The following CSMD1 variants were observed in gnomAD, a reference collection of about 807,000 sequenced individuals.
The protein encoded by CSMD1 is CUB and sushi domain-containing protein 1.
CSMD1 carries 213 observed loss-of-function variants against 417.5 expected under a neutral mutation model. That is an observed-to-expected ratio of 0.51 (90% CI 0.46 to 0.57). CSMD1 has a LOEUF of 0.57. CSMD1 is among the 20% of genes least tolerant of loss of function. The pLI, the probability that CSMD1 is intolerant of heterozygous loss-of-function variation, is 0.00. For synonymous variants in CSMD1, 2,862 were observed against 1,736.8 expected (o/e 1.65, Z -16.11); for missense variants, 6,923 against 4,529.7 (o/e 1.53, Z -15.17).
intron 3 of CSMD1, among the ~76,000 whole-genome samples, chr8:4,348,209 A>G (rs1198273235): frequency 6.6e-6 from 1 of 152,124 alleles, no homozygotes; most frequent in Non-Finnish European, 1.5e-5. Flanking sequence ...GGGAAAATGT[A>G]TATAAGAAAT....
At position 4,810,848 on chromosome 8, in the gene CSMD1, G is replaced by T. The variant is rs542541560; in HGVS notation, c.86-173290C>A. 6.6e-5 allele frequency among the ~76,000 whole-genome samples: 10 copies of T among 152,232 alleles called. No homozygotes were observed. In the South Asian group the frequency reaches 2.1e-3, roughly 32 times the overall value. ...AGAACTTTATAAATTAGTTCAAAGA[G>T]ATCAAATGATTTATAAGAAAACTGT... On this transcript the variant is annotated intron_variant, in intron 1 of 69. Coordinates refer to ENST00000635120, the MANE Select transcript of CSMD1 (RefSeq NM_033225.6).
chr8:4,571,616 C>G (rs1466961964), intron 2 of CSMD1, among the ~76,000 whole-genome samples: 1 of 152,124 alleles, frequency 6.6e-6, no homozygotes, highest in East Asian at 1.9e-4. Flanking sequence ...AATGTGAACT[C>G]TGTTAATTTC....
intron 3 of CSMD1, among the ~76,000 whole-genome samples, chr8:4,155,298 G>C (rs186690593): frequency 1.8e-4 from 28 of 152,314 alleles, no homozygotes; most frequent in African/African-American, 5.8e-4. Flanking sequence ...GGAGCAGCAA[G>C]ATCAGCGTTT....
At chr8:4,110,969 A>C (rs746697816) in intron 3 of CSMD1, among the ~76,000 whole-genome samples, 40 of 152,172 alleles carry the variant, frequency 2.6e-4, no homozygotes, top group Admixed American at 7.2e-4. Flanking sequence ...GTTTCTTTCT[A>C]AAATGCAATC....
chr8:4,680,326 A>G (rs1805958475), intron 1 of CSMD1, among the ~76,000 whole-genome samples: 1 of 152,192 alleles, frequency 6.6e-6, no homozygotes, highest in African/African-American at 2.4e-5. Context: ...CAAAAATCTG[A>G]AAGCACCGGG....
chr8:3,841,959 C>T (rs1314798278), intron 5 of CSMD1, among the ~76,000 whole-genome samples: 1 of 152,180 alleles, frequency 6.6e-6, no homozygotes. Flanking sequence ...AAAGTTACTG[C>T]TTCCAAAAGC....
intron 1 of CSMD1, among the ~76,000 whole-genome samples, chr8:4,959,334 T>C (rs1335985843): frequency 6.6e-6 from 1 of 152,220 alleles, no homozygotes; most frequent in East Asian, 1.9e-4. Context: ...TTATTCAACA[T>C]GTACCTGGTG....
At chr8:3,451,059 T>C (rs563401674) in intron 12 of CSMD1, among the ~76,000 whole-genome samples, 151 of 152,370 alleles carry the variant, frequency 9.9e-4, no homozygotes, top group African/African-American at 3.1e-3. Flanking sequence ...ATTTCTCTGA[T>C]GGCCAGTGAT....
At chr8:3,316,648 GAA>G (rs1349828018) in intron 23 of CSMD1, among the ~76,000 whole-genome samples, 1 of 152,116 alleles carries the variant, frequency 6.6e-6, no homozygotes, top group Non-Finnish European at 1.5e-5. Context: ...CAATTTACAG[GAA>G]CATTTGTATA....
intron 6 of CSMD1, among the ~76,000 whole-genome samples, chr8:3,717,816 T>C (rs1585126139): frequency 6.6e-6 from 1 of 152,326 alleles, no homozygotes; most frequent in Admixed American, 6.5e-5. Flanking sequence ...TTAATTCCTT[T>C]ATCATTAGAA....
chr8:3,773,044 G>C (rs1439568830), intron 5 of CSMD1, among the ~76,000 whole-genome samples: 2 of 152,130 alleles, frequency 1.3e-5, no homozygotes, highest in African/African-American at 4.8e-5. Context: ...CATGACAGAA[G>C]GGAAGAAGGG....
intron 2 of CSMD1, among the ~76,000 whole-genome samples, chr8:4,544,017 G>A (rs556404211): frequency 3.9e-5 from 6 of 152,052 alleles, no homozygotes; most frequent in African/African-American, 1.4e-4. Flanking sequence ...ATATATTTTC[G>A]GACACAGGCC....
intron 5 of CSMD1, among the ~76,000 whole-genome samples, chr8:3,952,088 A>T (rs1159028968): frequency 6.6e-6 from 1 of 152,206 alleles, no homozygotes; most frequent in Non-Finnish European, 1.5e-5. Flanking sequence ...AAAAATAAAA[A>T]TCTTTAAATT....
At chr8:3,253,404 T>C (rs999783315) in intron 26 of CSMD1, among the ~76,000 whole-genome samples, 5 of 152,202 alleles carry the variant, frequency 3.3e-5, no homozygotes, top group African/African-American at 9.7e-5. Flanking sequence ...CAGTTTGTTA[T>C]AATTTCTGTT....
At chr8:4,240,829 T>A (rs1163403034) in intron 3 of CSMD1, among the ~76,000 whole-genome samples, 1 of 152,214 alleles carries the variant, frequency 6.6e-6, no homozygotes, top group Non-Finnish European at 1.5e-5. Flanking sequence ...TTGGTGTCTA[T>A]GTGAGGGCGT....
rs573815698 is a variant in CSMD1, at chr8:4,888,934, G to T, written c.85+105398C>A. On this transcript the variant is annotated intron_variant, in intron 1 of 69. Transcript: ENST00000635120. Reference sequence around the variant, plus strand: ...ATAATTAAATGAGTTAATGAATGAGGAGAAGGGAAAATCTTTACTTACAAT... The same window carrying T: ...ATAATTAAATGAGTTAATGAATGAGTAGAAGGGAAAATCTTTACTTACAAT... Among the ~76,000 whole-genome samples, 3 of 152,062 alleles carry T rather than the reference G, an allele frequency of 2.0e-5. No homozygotes were observed. The South Asian group carries it at 6.2e-4, about 31-fold the overall frequency.
chr8:3,936,212 C>A (rs1165522028), intron 5 of CSMD1, among the ~76,000 whole-genome samples: 1 of 148,192 alleles, frequency 6.7e-6, no homozygotes, highest in African/African-American at 2.5e-5. Context: ...ATCTGCGTAA[C>A]ATAAAAGGGC....
Position 3,692,265 on chromosome 8 carries a change from T to C in CSMD1, c.1009+16149A>G, listed in dbSNP as rs555352009. Among the ~76,000 whole-genome samples, 3 of 152,234 alleles carry C rather than the reference T, an allele frequency of 2.0e-5. No individual in the cohort carries two copies. In the East Asian group the frequency reaches 5.8e-4, roughly 30 times the overall value. ...GCCCCCTTAGTCGCTATCCTGCGAT[T>C]TCACCAGCACCACCACAATTTGTAT... On this transcript the variant is annotated intron_variant, in intron 7 of 69. Coordinates refer to ENST00000635120, the MANE Select transcript of CSMD1 (RefSeq NM_033225.6).
At chr8:3,729,223 G>T (rs748921090) in intron 6 of CSMD1, among the ~76,000 whole-genome samples, 1 of 152,142 alleles carries the variant, frequency 6.6e-6, no homozygotes, top group African/African-American at 2.4e-5. Context: ...CCTCAGGTCA[G>T]GCACACTCTT....
Sources: allele counts gnomAD v4.1 joint callset (sites outside exome capture counted in the v4.1 genomes callset), GRCh38; gene constraint gnomAD v4.1.1; transcripts MANE v1.5; gene names NCBI Gene and HGNC (gene_info 2026-07-23, HGNC 2026-07-21).